IGFBP2: variants seen among roughly 807,000 people sequenced by gnomAD.
IGFBP2 encodes insulin-like growth factor-binding protein 2.
In IGFBP2, 12 loss-of-function variants were observed where a neutral mutation model predicts 26.2. That is an observed-to-expected ratio of 0.46 (90% CI 0.29 to 0.74). The LOEUF is 0.74. Among genes scored for constraint, IGFBP2 ranks in the 30% least tolerant of loss-of-function variants. The probability of loss-of-function intolerance (pLI) is 0.09; values close to 1 mark genes in which losing one functional copy is unlikely to be tolerated. For synonymous variants in IGFBP2, 189 were observed against 200.6 expected (o/e 0.94, Z 0.49); for missense variants, 328 against 441.2 (o/e 0.74, Z 2.30).
At position 216,636,911 on chromosome 2, in the gene IGFBP2, A is replaced by AGG. The variant is rs1697507746; in HGVS notation, c.442+2946_442+2947insGG. 1.3e-4 allele frequency among the ~76,000 whole-genome samples: 15 copies of AGG among 116,370 alleles called. No homozygotes were observed. The East Asian group carries it at 4.0e-3, about 31-fold the overall frequency. 76.3% of individuals were successfully genotyped at this position (116,370 alleles called of 152,430 possible). ...TCGTTCAAAGTCCCAGGGCGGGCAGACAGGCAGGCAGGCAGGCGGGCGGGC... is the reference window on the plus strand; with the variant it reads ...TCGTTCAAAGTCCCAGGGCGGGCAGAGGCAGGCAGGCAGGCAGGCGGGCGGGC... On this transcript the variant is annotated intron_variant, in intron 1 of 3. Coordinates refer to ENST00000233809, the MANE Select transcript of IGFBP2 (RefSeq NM_000597.3).
At position 216,633,667 on chromosome 2, in the gene IGFBP2, G is replaced by C; in HGVS notation, c.144G>C (p.Glu48Asp). 1 of 1,107,252 alleles carries C rather than the reference G, an allele frequency of 9.0e-7. No homozygotes were observed. The highest frequency in any genetic ancestry group is 1.1e-6 in the Non-Finnish European group (1 of 911,426). 68.6% of individuals were successfully genotyped at this position (1,107,252 alleles called of 1,614,324 possible). A position where few individuals can be genotyped will look rare whatever the true frequency, so the allele number is the denominator to read the frequency against. Reference sequence around the variant, plus strand: ...TCCGCTGCCCGCCCTGCACACCCGAGCGCCTGGCCGCCTGCGGGCCCCCGC... The same window carrying C: ...TCCGCTGCCCGCCCTGCACACCCGACCGCCTGGCCGCCTGCGGGCCCCCGC... ...VLFRCPPCTP[E>D]RLAACGPPPV... The change falls in exon 1 of 4, where the codon GAG (glutamate) becomes GAC (aspartate). Residue 48 changes from glutamate to aspartate, a missense_variant. Glu to Asp is a conservative substitution (Grantham distance 45, BLOSUM62 2). Transcript: ENST00000233809.
chr2:216,663,605 C>G (rs928683547), intron 3 of IGFBP2: 13 of 244,434 alleles, frequency 5.3e-5, no homozygotes, highest in Non-Finnish European at 9.6e-5. Flanking sequence ...TGCTGGGTCC[C>G]CCCCACTGGA....
intron 1 of IGFBP2, among the ~76,000 whole-genome samples, chr2:216,645,079 C>G (rs1697684955): frequency 6.6e-6 from 1 of 152,218 alleles, no homozygotes; most frequent in Admixed American, 6.5e-5. Flanking sequence ...CAAGTTGCCT[C>G]TGGGTGGTGA....
intron 1 of IGFBP2, among the ~76,000 whole-genome samples, chr2:216,646,920 T>TG: frequency 6.6e-6 from 1 of 152,214 alleles, no homozygotes; most frequent in East Asian, 1.9e-4. Flanking sequence ...TAAACATTAA[T>TG]TGAGCACATG....
At chr2:216,656,593 A>G (rs1027368638) in intron 1 of IGFBP2, among the ~76,000 whole-genome samples, 7 of 152,204 alleles carry the variant, frequency 4.6e-5, no homozygotes, top group Admixed American at 2.0e-4. Flanking sequence ...TCTGGTGGGT[A>G]GAGGCCAGGA....
chr2:216,658,023 T>A (rs1697951234), intron 1 of IGFBP2, among the ~76,000 whole-genome samples: 1 of 152,176 alleles, frequency 6.6e-6, no homozygotes, highest in Non-Finnish European at 1.5e-5. Flanking sequence ...TCAACGTAAT[T>A]CTTGTTTTGG....
intron 1 of IGFBP2, among the ~76,000 whole-genome samples, chr2:216,649,115 A>G (rs531962847): frequency 6.6e-6 from 1 of 152,222 alleles, no homozygotes; most frequent in Non-Finnish European, 1.5e-5. Flanking sequence ...CATATATTGC[A>G]TCTATATGCA....
At chr2:216,636,793 C>T (rs1441595577) in intron 1 of IGFBP2, among the ~76,000 whole-genome samples, 2 of 152,276 alleles carry the variant, frequency 1.3e-5, no homozygotes, top group East Asian at 1.9e-4. Context: ...CCTTCCCTAC[C>T]GTGTACAATG....
At chr2:216,639,695 T>A (rs916930914) in intron 1 of IGFBP2, among the ~76,000 whole-genome samples, 8 of 152,102 alleles carry the variant, frequency 5.3e-5, no homozygotes, top group African/African-American at 1.9e-4. Context: ...CAGGCTGGAG[T>A]GCAGTGGCGC....
At chr2:216,652,665 G>A (rs1697851210) in intron 1 of IGFBP2, among the ~76,000 whole-genome samples, 1 of 152,228 alleles carries the variant, frequency 6.6e-6, no homozygotes, top group Non-Finnish European at 1.5e-5. Flanking sequence ...GAGTCGTCTA[G>A]AGAGCAGGGG....
intron 1 of IGFBP2, among the ~76,000 whole-genome samples, chr2:216,655,750 C>T (rs1411851824): frequency 2.0e-5 from 3 of 151,894 alleles, no homozygotes; most frequent in African/African-American, 7.3e-5. Flanking sequence ...CAAATATTAA[C>T]CAGGCGTGGT....
Position 216,657,299 on chromosome 2 carries a change from G to A in IGFBP2, c.443-3258G>A, listed in dbSNP as rs141760070. On this transcript the variant is annotated intron_variant, in intron 1 of 3. Coordinates refer to ENST00000233809, the MANE Select transcript of IGFBP2 (RefSeq NM_000597.3). ...AGGGAGGCTGGGGATGAGTGCGTGCGCTGCACGGCATCTGTGTGCTGCGTT... is the reference window on the plus strand; with the variant it reads ...AGGGAGGCTGGGGATGAGTGCGTGCACTGCACGGCATCTGTGTGCTGCGTT... 2.6e-3 allele frequency among the ~76,000 whole-genome samples: 392 copies of A among 152,244 alleles called. 2 individuals are homozygous for A. Among genetic ancestry groups the A allele is most frequent in the African/African-American group, 9.0e-3 (374 of 41,516 alleles).
In IGFBP2 at chr2:216,663,920, C is replaced by T. The variant is rs2106209617; in HGVS notation, c.814-20C>T. ...GTTGCTGGCTGCGGGCTCCTCCATG[C>T]TCTTCTCCTCTCTCCCCAGTGCAAG... On this transcript the variant is annotated intron_variant, in intron 3 of 3. Coordinates refer to ENST00000233809, the MANE Select transcript of IGFBP2 (RefSeq NM_000597.3). 6.2e-7 allele frequency: 1 copy of T among 1,609,772 alleles called. No homozygotes were observed. The highest frequency in any genetic ancestry group is 2.2e-5 in the East Asian group (1 of 44,790).
intron 1 of IGFBP2, chr2:216,659,761 T>C (rs1697996812): frequency 6.5e-7 from 1 of 1,533,678 alleles, no homozygotes; most frequent in South Asian, 1.2e-5. Context: ...GCTGAAGCTA[T>C]GAAGTCGAAG....
chr2:216,655,996 AT>A (rs9341188), intron 1 of IGFBP2, among the ~76,000 whole-genome samples: 4,434 of 150,698 alleles, frequency 0.029, 113 homozygotes, highest in East Asian at 0.075. Flanking sequence ...CCTAAAAGTT[AT>A]TTTTTTTTTC....
intron 1 of IGFBP2, among the ~76,000 whole-genome samples, chr2:216,638,985 G>A (rs1410951625): frequency 6.7e-6 from 1 of 148,956 alleles, no homozygotes; most frequent in Non-Finnish European, 1.5e-5. Context: ...ACAGGCATGA[G>A]CCACGGTGCC....
At chr2:216,644,684 C>G (rs1697676960) in intron 1 of IGFBP2, among the ~76,000 whole-genome samples, 1 of 152,162 alleles carries the variant, frequency 6.6e-6, no homozygotes, top group Non-Finnish European at 1.5e-5. Flanking sequence ...TGGCTTTGTT[C>G]TAGACATTGC....
chr2:216,650,108 G>A (rs182129542), intron 1 of IGFBP2, among the ~76,000 whole-genome samples: 2 of 152,292 alleles, frequency 1.3e-5, no homozygotes, highest in Middle Eastern at 3.4e-3. Context: ...AAGGCATGGG[G>A]GCCTGGCAAT....
In IGFBP2 at chr2:216,659,884, G is replaced by A; in HGVS notation, c.443-673G>A. On this transcript the variant is annotated intron_variant, in intron 1 of 3. Transcript: ENST00000233809. ...GTGGCAGAGCTGTAGCTGCCTCGGA[G>A]CAGCACTATGGGACCTTAGGCAGGG... is the stretch of plus-strand genomic sequence containing the variant. 4.0e-6 allele frequency: 3 copies of A among 747,670 alleles called. No individual in the cohort carries two copies. In the East Asian group the frequency reaches 8.1e-5, roughly 20 times the overall value. 46.3% of individuals were successfully genotyped at this position (747,670 alleles called of 1,614,324 possible).
Sources: gnomAD v4.1 joint callset for allele counts (sites outside exome capture counted in the v4.1 genomes callset) on GRCh38, gnomAD v4.1.1 for gene constraint, MANE v1.5 for transcripts, NCBI Gene and HGNC (gene_info 2026-07-23, HGNC 2026-07-21) for gene names.